Variants in DLG2 observed in about 807,000 individuals in gnomAD.
The protein encoded by DLG2 is disks large homolog 2.
In DLG2, 45 loss-of-function variants were observed where a neutral mutation model predicts 132.5. That is an observed-to-expected ratio of 0.34 (90% CI 0.27 to 0.44). The LOEUF (loss-of-function observed/expected upper bound fraction) is 0.44. Among genes scored for constraint, DLG2 ranks in the 20% least tolerant of loss-of-function variants. The probability of loss-of-function intolerance (pLI) is 1.00; values close to 1 mark genes in which losing one functional copy is unlikely to be tolerated. For missense variants in DLG2, 1,045 were observed against 1,196.9 expected (o/e 0.87, Z 1.87); for synonymous variants, 424 against 419.6 (o/e 1.01, Z -0.13).
chr11:85,094,112 T>C (rs569752303), intron 6 of DLG2, among the ~76,000 whole-genome samples: 91 of 152,334 alleles, frequency 6.0e-4, no homozygotes, highest in Non-Finnish European at 1.2e-3. Flanking sequence ...GATTTCAACA[T>C]TGGAATTATG....
At chr11:84,072,661 G>T (rs2154145729) in intron 10 of DLG2, among the ~76,000 whole-genome samples, 1 of 152,244 alleles carries the variant, frequency 6.6e-6, no homozygotes, top group South Asian at 2.1e-4. Context: ...TGAAGGTCTT[G>T]GTACGACATG....
At chr11:84,411,967 T>A (rs2098907596) in intron 7 of DLG2, among the ~76,000 whole-genome samples, 1 of 151,716 alleles carries the variant, frequency 6.6e-6, no homozygotes, top group Non-Finnish European at 1.5e-5. Context: ...TACTGGATTT[T>A]ACAGTCTGAC....
At chr11:84,209,848 C>T (rs1342909127) in intron 8 of DLG2, among the ~76,000 whole-genome samples, 1 of 152,200 alleles carries the variant, frequency 6.6e-6, no homozygotes, top group Non-Finnish European at 1.5e-5. Flanking sequence ...CTCCCTTATA[C>T]ACTGCTGGTG....
intron 19 of DLG2, among the ~76,000 whole-genome samples, chr11:83,575,628 G>C (rs2096862310): frequency 6.6e-6 from 1 of 152,132 alleles, no homozygotes; most frequent in Non-Finnish European, 1.5e-5. Flanking sequence ...ATCAGTGCTG[G>C]TTCTCACCAG....
At chr11:83,623,275 A>G (rs931432796) in intron 19 of DLG2, among the ~76,000 whole-genome samples, 11 of 152,204 alleles carry the variant, frequency 7.2e-5, no homozygotes, top group African/African-American at 2.7e-4. Context: ...TGAGATGATT[A>G]CCAAATAGGG....
At chr11:85,324,035 A>G (rs967891410) in intron 3 of DLG2, among the ~76,000 whole-genome samples, 1 of 152,104 alleles carries the variant, frequency 6.6e-6, no homozygotes, top group African/African-American at 2.4e-5. Flanking sequence ...TCTAACTCCA[A>G]TTCTCTCCTC....
At chr11:85,614,744 C>A (rs1271170123) in intron 2 of DLG2, among the ~76,000 whole-genome samples, 2 of 152,168 alleles carry the variant, frequency 1.3e-5, no homozygotes, top group East Asian at 3.9e-4. Context: ...AGGCATTCTG[C>A]ACTGATCACC....
At chr11:85,167,777 C>G (rs1451188364) in intron 4 of DLG2, among the ~76,000 whole-genome samples, 1 of 152,052 alleles carries the variant, frequency 6.6e-6, no homozygotes, top group Non-Finnish European at 1.5e-5. Flanking sequence ...ATGCTTTTCT[C>G]TTGTTAATCT....
intron 19 of DLG2, among the ~76,000 whole-genome samples, chr11:83,613,957 C>A (rs2060454293): frequency 1.3e-5 from 2 of 152,122 alleles, no homozygotes; most frequent in African/African-American, 4.8e-5. Flanking sequence ...GTGCTTCTTA[C>A]CTCGAGCTAA....
At chr11:85,590,167 C>A (rs1033697207) in intron 3 of DLG2, among the ~76,000 whole-genome samples, 1 of 152,116 alleles carries the variant, frequency 6.6e-6, no homozygotes, top group Non-Finnish European at 1.5e-5. Flanking sequence ...TGTGGTGTCT[C>A]TTTGATAGTG....
intron 6 of DLG2, among the ~76,000 whole-genome samples, chr11:84,596,043 GA>G (rs1410506191): frequency 6.6e-6 from 1 of 151,994 alleles, no homozygotes; most frequent in Admixed American, 6.6e-5. Context: ...TCACATAGGA[GA>G]AAAAATATTT....
At chr11:84,991,841 G>A (rs1352772200) in intron 6 of DLG2, among the ~76,000 whole-genome samples, 1 of 152,046 alleles carries the variant, frequency 6.6e-6, no homozygotes, top group African/African-American at 2.4e-5. Context: ...GCTGTTATAT[G>A]TATCATCTCT....
At chr11:85,252,113 T>C (rs2076424434) in intron 4 of DLG2, among the ~76,000 whole-genome samples, 1 of 152,170 alleles carries the variant, frequency 6.6e-6, no homozygotes, top group African/African-American at 2.4e-5. Flanking sequence ...AACTGAAATA[T>C]GAGCTTATAA....
chr11:84,944,650 G>T (rs372888462), intron 6 of DLG2, among the ~76,000 whole-genome samples: 1 of 142,182 alleles, frequency 7.0e-6, no homozygotes. Context: ...TGTTGTCCAG[G>T]CTGGAGTGCA....
At chr11:85,491,404 G>A (rs2093557467) in intron 3 of DLG2, among the ~76,000 whole-genome samples, 2 of 152,044 alleles carry the variant, frequency 1.3e-5, no homozygotes, top group African/African-American at 4.8e-5. Flanking sequence ...ACATAGTACT[G>A]GAAGTTCTAG....
intron 4 of DLG2, among the ~76,000 whole-genome samples, chr11:85,167,968 A>G (rs1052809098): frequency 6.6e-6 from 1 of 152,154 alleles, no homozygotes; most frequent in Non-Finnish European, 1.5e-5. Context: ...AATAATAATA[A>G]ACTTCACTCT....
At chr11:85,227,419 G>A (rs1039535956) in intron 4 of DLG2, among the ~76,000 whole-genome samples, 7 of 152,022 alleles carry the variant, frequency 4.6e-5, no homozygotes, top group Admixed American at 3.9e-4. Context: ...TATTTCTACA[G>A]TCACTCATCA....
rs190058778 is a variant in DLG2, at chr11:83,834,001, A to G, written c.1566-231T>C. Among the ~76,000 whole-genome samples, 30 of 152,326 alleles carry G rather than the reference A, an allele frequency of 2.0e-4. 1 individual carries two copies. Among genetic ancestry groups the G allele is most frequent in the African/African-American group, 7.2e-4 (30 of 41,568 alleles). On this transcript the variant is annotated intron_variant, in intron 16 of 27. Coordinates refer to ENST00000376104, the MANE Select transcript of DLG2 (RefSeq NM_001142699.3). The stretch of plus-strand genomic sequence containing the variant: ...GCAAAAAATCATTCCTTCATTCTAA[A>G]AAAATTTCTTAAACTACCTTTACTT...
intron 15 of DLG2, among the ~76,000 whole-genome samples, chr11:83,882,040 GA>G (rs2066417160): frequency 6.6e-6 from 1 of 152,026 alleles, no homozygotes; most frequent in Non-Finnish European, 1.5e-5. Context: ...TACATTTAAA[GA>G]AATCCAGCAT....
Sources: gnomAD v4.1 joint callset for allele counts (sites outside exome capture counted in the v4.1 genomes callset) on GRCh38, gnomAD v4.1.1 for gene constraint, MANE v1.5 for transcripts, NCBI Gene and HGNC (gene_info 2026-07-23, HGNC 2026-07-21) for gene names.